Variants in UBE4B observed in about 807,000 individuals in gnomAD.
UBE4B encodes ubiquitin conjugation factor E4 B.
UBE4B carries 27 observed loss-of-function variants against 148.1 expected under a neutral mutation model. That is an observed-to-expected ratio of 0.18 (90% CI 0.13 to 0.25). UBE4B has a LOEUF of 0.25. Among genes scored for constraint, UBE4B ranks in the 10% least tolerant of loss-of-function variants. The pLI is 1.00. For missense variants in UBE4B, 1,170 were observed against 1,662.4 expected (o/e 0.70, Z 5.15); for synonymous variants, 596 against 619.3 (o/e 0.96, Z 0.56).
chr1:10,120,530 A>G (rs1030082656), intron 9 of UBE4B, among the ~76,000 whole-genome samples: 3 of 152,100 alleles, frequency 2.0e-5, no homozygotes, highest in Non-Finnish European at 4.4e-5. Flanking sequence ...AAAAATAAAA[A>G]TTAATAAAAT....
At chr1:10,125,904 A>T (rs1179554809) in intron 10 of UBE4B, among the ~76,000 whole-genome samples, 1 of 152,208 alleles carries the variant, frequency 6.6e-6, no homozygotes, top group Non-Finnish European at 1.5e-5. Context: ...AACATTTACC[A>T]ACTAGCTCTT....
chr1:10,132,423 G>A lies in UBE4B; in HGVS notation c.1966G>A (p.Ala656Thr), dbSNP rs1445597981. The change falls in exon 15 of 28, where the codon GCT (alanine) becomes ACT (threonine). Residue 656 changes from alanine to threonine, a missense_variant. Ala to Thr is a moderately conservative substitution (Grantham distance 58, BLOSUM62 0). Coordinates refer to ENST00000343090, the MANE Select transcript of UBE4B (RefSeq NM_001105562.3). ...TTTGTTAAATGGCGAAACCCGTGAG[G>A]CTGCTCTCAGTTACATGGCGGCTGT... The part of the protein sequence containing the change: ...SILLNGETRE[A>T]ALSYMAAVVN... 6.2e-7 allele frequency: 1 copy of A among 1,614,218 alleles called. No individual in the cohort carries two copies. The highest frequency in any genetic ancestry group is 8.5e-7 in the Non-Finnish European group (1 of 1,180,040).
At chr1:10,090,793 TTGTGTGTG>T (rs57486350) in intron 2 of UBE4B, among the ~76,000 whole-genome samples, 61 of 141,510 alleles carry the variant, frequency 4.3e-4, no homozygotes, top group African/African-American at 5.5e-4. Context: ...GCCTATGCAT[TTGTGTGTG>T]TGTGTGTGTG....
Position 10,048,955 on chromosome 1 carries a change from C to G in UBE4B, c.24+15261C>G, listed in dbSNP as rs183670071. On this transcript the variant is annotated intron_variant, in intron 1 of 27. Transcript: ENST00000343090. ...CACTACTTTCTTTATTCATTCAACA[C>G]TCTGTTTCTCTCTCTTTCCCCAAGG... is the stretch of plus-strand genomic sequence containing the variant. 2.6e-5 allele frequency among the ~76,000 whole-genome samples: 4 copies of G among 152,312 alleles called. 1 individual carries two copies. In the East Asian group the frequency reaches 5.8e-4, roughly 22 times the overall value.
At chr1:10,156,911 G>A (rs1262937062) in intron 21 of UBE4B, among the ~76,000 whole-genome samples, 1 of 152,066 alleles carries the variant, frequency 6.6e-6, no homozygotes. Context: ...GCTCACACCT[G>A]TAATCTCAGT....
chr1:10,072,775 A>C, intron 2 of UBE4B: 1 of 305,416 alleles, frequency 3.3e-6, no homozygotes, highest in Non-Finnish European at 6.0e-6. Flanking sequence ...GATATTTCTC[A>C]TACTGTGTAT....
intron 4 of UBE4B, among the ~76,000 whole-genome samples, chr1:10,102,138 T>C (rs1404487191): frequency 6.6e-6 from 1 of 152,162 alleles, no homozygotes; most frequent in Non-Finnish European, 1.5e-5. Flanking sequence ...GAAGTTGCAC[T>C]GTAGCCTCCT....
chr1:10,111,645 C>CT (rs1645223718), intron 7 of UBE4B, among the ~76,000 whole-genome samples: 1 of 152,174 alleles, frequency 6.6e-6, no homozygotes, highest in African/African-American at 2.4e-5. Flanking sequence ...CTGCACAACT[C>CT]TGACTTTGCC....
chr1:10,047,678 G>A (rs1259973976), intron 1 of UBE4B, among the ~76,000 whole-genome samples: 1 of 151,812 alleles, frequency 6.6e-6, no homozygotes, highest in South Asian at 2.1e-4. Context: ...ATTTTTAGTA[G>A]AGATGGGGTT....
chr1:10,158,419 G>C lies in UBE4B; in HGVS notation c.2990G>C (p.Ser997Thr). ...AAGTTCACAATTCGCTATCATATTA[G>C]CACCATTTTTAAAAGCCTTTGGCAA... ...YDKFTIRYHI[S>T]TIFKSLWQNI... The change falls in exon 22 of 28, where the codon AGC (serine) becomes ACC (threonine). Residue 997 changes from serine (S) to threonine (T), a missense_variant. Physicochemically the swap from Ser to Thr is moderately conservative, Grantham distance 58. Coordinates refer to ENST00000343090, the MANE Select transcript of UBE4B (RefSeq NM_001105562.3). 6.2e-7 allele frequency: 1 copy of C among 1,614,144 alleles called. No homozygotes were observed. Among genetic ancestry groups the C allele is most frequent in the Non-Finnish European group, 8.5e-7 (1 of 1,180,020 alleles).
intron 20 of UBE4B, 24 bp from the exon 21 acceptor site, chr1:10,151,302 C>T (rs1645971978): frequency 6.2e-7 from 1 of 1,608,082 alleles, no homozygotes; most frequent in Non-Finnish European, 8.5e-7. Context: ...CGGTCTCTTT[C>T]TTGCTCTTCT....
At chr1:10,138,101 AT>A (rs773852548) in intron 17 of UBE4B, among the ~76,000 whole-genome samples, 13,043 of 132,138 alleles carry the variant, frequency 0.099, 952 homozygotes, top group African/African-American at 0.21. Flanking sequence ...CGCCTGGCCA[AT>A]TTTTTTTTTT....
chr1:10,102,671 A>G (rs1002107454), intron 4 of UBE4B, among the ~76,000 whole-genome samples: 18 of 151,942 alleles, frequency 1.2e-4, no homozygotes, highest in South Asian at 2.1e-4. Context: ...TCGGCCTTCC[A>G]GAATGCTGGG....
At chr1:10,176,710 T>C (rs140835639) in intron 25 of UBE4B, among the ~76,000 whole-genome samples, 2 of 152,084 alleles carry the variant, frequency 1.3e-5, no homozygotes, top group Non-Finnish European at 2.9e-5. Context: ...TGTCTATTCA[T>C]GTTCTTTGCC....
At chr1:10,089,038 G>A (rs1052997234) in intron 2 of UBE4B, among the ~76,000 whole-genome samples, 10 of 151,604 alleles carry the variant, frequency 6.6e-5, no homozygotes, top group African/African-American at 4.9e-5. Flanking sequence ...ATAAAGTCTC[G>A]CTCTATGGCC....
intron 25 of UBE4B, among the ~76,000 whole-genome samples, chr1:10,176,204 T>C (rs1035583758): frequency 2.6e-5 from 4 of 152,266 alleles, no homozygotes; most frequent in Non-Finnish European, 5.9e-5. Flanking sequence ...GGCTGAATAA[T>C]ATTTCATTGT....
chr1:10,164,529 A>T (rs1468016992), intron 23 of UBE4B, among the ~76,000 whole-genome samples: 2 of 152,076 alleles, frequency 1.3e-5, no homozygotes, highest in African/African-American at 4.8e-5. Flanking sequence ...TATATTTTAG[A>T]TGTTGGAATG....
intron 18 of UBE4B, among the ~76,000 whole-genome samples, chr1:10,146,018 C>A (rs763606827): frequency 1.7e-4 from 26 of 152,188 alleles, no homozygotes; most frequent in Non-Finnish European, 3.4e-4. Context: ...CCTGACATAG[C>A]TTTCTAGTAC....
chr1:10,033,712 C>T lies in UBE4B; in HGVS notation c.24+18C>T, dbSNP rs187355549. The T allele has an allele frequency of 4.5e-3, 7,009 of 1,556,200 alleles. 21 individuals are homozygous for T. The highest frequency in any genetic ancestry group is 5.7e-3 in the Non-Finnish European group (6,546 of 1,151,874). ...CTGATGAGGTGAGGAGGTTGGGGGA[C>T]ACCTTGAGGGATTAGTTGGCAACTC... On this transcript the variant is annotated intron_variant, in intron 1 of 27. Transcript: ENST00000343090.
Sources: allele counts gnomAD v4.1 joint callset (sites outside exome capture counted in the v4.1 genomes callset), GRCh38; gene constraint gnomAD v4.1.1; transcripts MANE v1.5; gene names NCBI Gene and HGNC (gene_info 2026-07-23, HGNC 2026-07-21).